The following HMCN1 variants were observed in gnomAD, a reference collection of about 807,000 sequenced individuals.
The protein encoded by HMCN1 is hemicentin 1, also known as hemicentin-1.
In HMCN1, 321 loss-of-function variants were observed where a neutral mutation model predicts 625.9. That is an observed-to-expected ratio of 0.51 (90% CI 0.47 to 0.56). The LOEUF (loss-of-function observed/expected upper bound fraction) is 0.56. Among genes scored for constraint, HMCN1 ranks in the 20% least tolerant of loss-of-function variants. The probability of loss-of-function intolerance (pLI) is 0.00; values close to 1 mark genes in which losing one functional copy is unlikely to be tolerated. For synonymous variants in HMCN1, 2,425 were observed against 2,417.6 expected (o/e 1.00, Z -0.09); for missense variants, 6,588 against 6,887.3 (o/e 0.96, Z 1.54).
chr1:186,036,275 C>G (rs1272468027), intron 36 of HMCN1, among the ~76,000 whole-genome samples: 1 of 152,062 alleles, frequency 6.6e-6, no homozygotes, highest in Admixed American at 6.6e-5. Flanking sequence ...TAAAGACATA[C>G]CCAAGACTGG....
At chr1:186,176,055 G>A (rs1052363792) in intron 103 of HMCN1, among the ~76,000 whole-genome samples, 3 of 152,006 alleles carry the variant, frequency 2.0e-5, no homozygotes, top group Admixed American at 1.3e-4. Context: ...TGCCACTGTG[G>A]TAATGAATTA....
chr1:186,126,564 G>A (rs1025622976), intron 82 of HMCN1, among the ~76,000 whole-genome samples: 3 of 152,148 alleles, frequency 2.0e-5, no homozygotes, highest in African/African-American at 7.2e-5. Context: ...CTTTGGGAAG[G>A]TGACATTTGA....
chr1:186,057,279 G>A lies in HMCN1; in HGVS notation c.7190G>A (p.Ser2397Asn), dbSNP rs1245048476. The change falls in exon 46 of 107, where the codon AGT becomes AAT. Residue 2397 changes from serine (S) to asparagine (N), a missense_variant. By Grantham distance (46) the Ser-to-Asn change is conservative (BLOSUM62 1). Transcript: ENST00000271588. The stretch of plus-strand genomic sequence containing the variant: ...AACCACAGGTCACCTGAAAATATTA[G>A]TGTGGTAGAAAAGAACTCAGTATCT... ...IGNHRSPENISVVEKNSVSLT... is the reference protein window; with the variant it reads ...IGNHRSPENINVVEKNSVSLT... The A allele has an allele frequency of 5.0e-6, 8 of 1,611,372 alleles. No homozygotes were observed. Among genetic ancestry groups the A allele is most frequent in the Non-Finnish European group, 6.8e-6 (8 of 1,178,110 alleles).
At chr1:185,766,980 T>C (rs943971436) in intron 1 of HMCN1, among the ~76,000 whole-genome samples, 1 of 151,578 alleles carries the variant, frequency 6.6e-6, no homozygotes, top group African/African-American at 2.4e-5. Context: ...CCTAGCAGAT[T>C]TGAGGAAAAA....
Position 186,055,637 on chromosome 1 carries a change from AG to A in HMCN1, c.7109del (p.Gly2370GlufsTer2), listed in dbSNP as rs1384700207. On this transcript the variant is annotated frameshift_variant, in exon 45 of 107. Coordinates refer to ENST00000271588, the MANE Select transcript of HMCN1 (RefSeq NM_031935.3). LOFTEE classifies it high-confidence loss of function. Reference sequence around the variant, plus strand: ...ATGTGTGTGTTGCTGTGAATGTAGCAGGAATGACTGACAAAAAATATGACTT... The same window carrying A: ...ATGTGTGTGTTGCTGTGAATGTAGCAGAATGACTGACAAAAAATATGACTT... ...RYVCVAVNVA[G>X]MTDKKYDLSV... The A allele has an allele frequency of 6.2e-7, 1 of 1,612,762 alleles. No homozygotes were observed. The highest frequency in any genetic ancestry group is 1.1e-5 in the South Asian group (1 of 91,070).
In HMCN1 at chr1:186,190,199, T is replaced by C. The variant is rs150440473; in HGVS notation, c.*321T>C. 1.5e-5 allele frequency: 4 copies of C among 270,434 alleles called. No homozygotes were observed. The East Asian group carries it at 2.3e-4, about 15-fold the overall frequency. 16.8% of individuals were successfully genotyped at this position (270,434 alleles called of 1,614,324 possible). On this transcript the variant is annotated 3_prime_UTR_variant, in exon 107 of 107. Coordinates refer to ENST00000271588, the MANE Select transcript of HMCN1 (RefSeq NM_031935.3). ...AGTGTAGTACCTAAGATCATTTTCC[T>C]GAAAGCCAAACCAAACAACGAAAAA...
intron 86 of HMCN1, among the ~76,000 whole-genome samples, chr1:186,135,920 T>C (rs1194383105): frequency 1.3e-5 from 2 of 152,208 alleles, no homozygotes; most frequent in Non-Finnish European, 2.9e-5. Flanking sequence ...AGAAAGAATA[T>C]CTTTTCTCTA....
intron 36 of HMCN1, among the ~76,000 whole-genome samples, chr1:186,028,959 T>TCGTGATC (rs1655239584): frequency 1.3e-5 from 2 of 151,888 alleles, no homozygotes; most frequent in South Asian, 2.1e-4. Flanking sequence ...ACTCCTCACC[T>TCGTGATC]CGTGATCCGT....
At position 186,189,863 on chromosome 1, in the gene HMCN1, C is replaced by A; in HGVS notation, c.16893C>A (p.Ser5631=). 6.2e-7 allele frequency: 1 copy of A among 1,613,546 alleles called. No individual in the cohort carries two copies. The highest frequency in any genetic ancestry group is 8.5e-7 in the Non-Finnish European group (1 of 1,179,760). ...QTTFIVYIAV[S]AYPY ...CATTCATAGTTTATATAGCTGTGTC[C>A]GCCTATCCATACTAAGGAACTCTCC... is the stretch of plus-strand genomic sequence containing the variant. Residue 5631 remains serine, a synonymous_variant, in exon 107 of 107, where the codon TCC becomes TCA. Coordinates refer to ENST00000271588, the MANE Select transcript of HMCN1 (RefSeq NM_031935.3).
At position 185,962,580 on chromosome 1, in the gene HMCN1, A is replaced by C; in HGVS notation, c.1891A>C (p.Ile631Leu). ...QSFTGGSEVS[I>L]MCSATGYPKP... is the part of the protein sequence containing the mutation. ...TTTCACAGGAGGGTCTGAGGTCTCC[A>C]TCATGTGTTCTGCAACAGGTTATCC... Residue 631 changes from isoleucine to leucine, a missense_variant, in exon 12 of 107, where the codon ATC becomes CTC. This residue lies in a region of HMCN1 where 4,628 missense variants were observed against 4,853.1 expected (regional missense o/e 0.95). Coordinates refer to ENST00000271588, the MANE Select transcript of HMCN1 (RefSeq NM_031935.3). 1 of 1,606,724 alleles carries C rather than the reference A, an allele frequency of 6.2e-7. No individual in the cohort carries two copies. The highest frequency in any genetic ancestry group is 8.5e-7 in the Non-Finnish European group (1 of 1,173,254).
At chr1:186,049,009 G>T (rs980583070) in intron 42 of HMCN1, among the ~76,000 whole-genome samples, 170 bp downstream of exon 42, 1 of 151,976 alleles carries the variant, frequency 6.6e-6, no homozygotes, top group Admixed American at 6.6e-5. Context: ...TAACTACTTC[G>T]AGAGTAACTC....
intron 1 of HMCN1, among the ~76,000 whole-genome samples, chr1:185,797,091 G>A (rs1377449474): frequency 1.3e-5 from 2 of 152,154 alleles, no homozygotes; most frequent in East Asian, 3.8e-4. Flanking sequence ...TTTCTCTGAT[G>A]ATTGGTGATG....
intron 2 of HMCN1, among the ~76,000 whole-genome samples, chr1:185,858,089 C>G (rs555106743): frequency 6.6e-6 from 1 of 152,138 alleles, no homozygotes; most frequent in South Asian, 2.1e-4. Flanking sequence ...TTGTGTGACC[C>G]TGAGAAAGGA....
chr1:186,137,419 C>T lies in HMCN1; in HGVS notation c.13583-79C>T, dbSNP rs1649672684. The T allele has an allele frequency of 1.3e-5, 19 of 1,449,770 alleles. 1 individual carries two copies. Among genetic ancestry groups the T allele is most frequent in the Admixed American group, 5.7e-5 (3 of 52,308 alleles). The allele number at this position is 1,449,770 out of a possible 1,614,324, so 89.8% of individuals were successfully genotyped here. On this transcript the variant is annotated intron_variant, in intron 87 of 106. Coordinates refer to ENST00000271588, the MANE Select transcript of HMCN1 (RefSeq NM_031935.3). The stretch of plus-strand genomic sequence containing the variant: ...CAACTATATATTTAGCTCTGTAACC[C>T]GTGCATATCTTAAATGAAATCTCCT...
chr1:185,883,969 AT>A (rs1375287175), intron 4 of HMCN1, among the ~76,000 whole-genome samples: 2 of 128,570 alleles, frequency 1.6e-5, no homozygotes, highest in Admixed American at 9.3e-5. Flanking sequence ...TGAGTATTGG[AT>A]TTTGTTGTGT....
intron 56 of HMCN1, among the ~76,000 whole-genome samples, chr1:186,082,138 A>G (rs931453400): frequency 6.6e-6 from 1 of 152,020 alleles, no homozygotes; most frequent in Non-Finnish European, 1.5e-5. Context: ...AAATACTTCA[A>G]TGGTTCTGTG....
At chr1:186,007,964 A>G (rs1047654135) in intron 30 of HMCN1, among the ~76,000 whole-genome samples, 1 of 152,128 alleles carries the variant, frequency 6.6e-6, no homozygotes, top group Non-Finnish European at 1.5e-5. Flanking sequence ...CTGTCTTTCC[A>G]TGGTGTATGA....
intron 52 of HMCN1, among the ~76,000 whole-genome samples, chr1:186,073,237 A>G (rs1210668746): frequency 6.6e-6 from 1 of 152,198 alleles, no homozygotes; most frequent in Non-Finnish European, 1.5e-5. Flanking sequence ...CTGTTAAATG[A>G]TACTGATCAG....
At chr1:186,089,099 T>G (rs565045948) in intron 63 of HMCN1, among the ~76,000 whole-genome samples, 11 of 152,192 alleles carry the variant, frequency 7.2e-5, no homozygotes, top group African/African-American at 2.6e-4. Flanking sequence ...CTGTTCTTAC[T>G]TGTATAGATA....
Sources: gnomAD v4.1 joint callset for allele counts (sites outside exome capture counted in the v4.1 genomes callset) on GRCh38, gnomAD v4.1.1 for gene constraint, gnomAD v4.1.1 regional missense constraint, MANE v1.5 for transcripts, NCBI Gene and HGNC (gene_info 2026-07-23, HGNC 2026-07-21) for gene names.